Variants in SLC26A7 observed in about 807,000 individuals in gnomAD.
The protein encoded by SLC26A7 is anion exchange transporter.
In SLC26A7, 59 loss-of-function variants were observed where a neutral mutation model predicts 82.5. That is an observed-to-expected ratio of 0.72 (90% confidence interval 0.58 to 0.89). The LOEUF (loss-of-function observed/expected upper bound fraction) is 0.89. Ranked by LOEUF, SLC26A7 falls within the 40% of genes least tolerant of loss-of-function variation. The probability of loss-of-function intolerance (pLI) is 0.00; values close to 1 mark genes in which losing one functional copy is unlikely to be tolerated. For missense variants in SLC26A7, 820 were observed against 793.0 expected (o/e 1.03, Z -0.41); for synonymous variants, 271 against 274.3 (o/e 0.99, Z 0.12).
At chr8:91,319,040 A>G (rs746023779) in intron 5 of SLC26A7, among the ~76,000 whole-genome samples, 1 of 152,220 alleles carries the variant, frequency 6.6e-6, no homozygotes, top group African/African-American at 2.4e-5. Flanking sequence ...GCATTGCTGT[A>G]TACTAAATAA....
intron 4 of SLC26A7, among the ~76,000 whole-genome samples, chr8:91,298,214 ATAAG>A (rs1443707306): frequency 6.6e-6 from 1 of 151,706 alleles, no homozygotes; most frequent in Non-Finnish European, 1.5e-5. Context: ...CTTGTAACTG[ATAAG>A]TAAGTTTCCC....
chr8:91,377,816 CT>C (rs1814559438), intron 15 of SLC26A7, among the ~76,000 whole-genome samples: 1 of 152,154 alleles, frequency 6.6e-6, no homozygotes, highest in Non-Finnish European at 1.5e-5. Flanking sequence ...GACTTTGCTG[CT>C]TTTTAAGTGT....
intron 1 of SLC26A7, among the ~76,000 whole-genome samples, chr8:91,210,785 G>C: frequency 8.5e-6 from 1 of 117,492 alleles, no homozygotes; most frequent in Non-Finnish European, 1.9e-5. Context: ...AAACATAATG[G>C]TTAAAAGAGA....
chr8:91,279,047 A>G (rs1811482709), intron 2 of SLC26A7, among the ~76,000 whole-genome samples: 1 of 150,204 alleles, frequency 6.7e-6, no homozygotes, highest in Admixed American at 6.7e-5. Flanking sequence ...TGTCCTTCAA[A>G]TTCATCTACA....
chr8:91,385,182 A>G (rs146409568), intron 15 of SLC26A7, among the ~76,000 whole-genome samples: 2 of 152,234 alleles, frequency 1.3e-5, no homozygotes, highest in South Asian at 2.1e-4. Context: ...CACATTCCAC[A>G]TGGGTATAGA....
At chr8:91,385,214 G>C (rs543769086) in intron 15 of SLC26A7, among the ~76,000 whole-genome samples, 1 of 152,156 alleles carries the variant, frequency 6.6e-6, no homozygotes, top group Admixed American at 6.6e-5. Flanking sequence ...CTTTGCACAT[G>C]CTCCAAGCTT....
upstream of SLC26A7, among the ~76,000 whole-genome samples, chr8:91,247,241 T>C (rs1442673007): frequency 2.6e-5 from 4 of 152,238 alleles, no homozygotes; most frequent in African/African-American, 7.2e-5. Flanking sequence ...TTTTTATTTG[T>C]ATAGGTATTA....
intron 3 of SLC26A7, among the ~76,000 whole-genome samples, chr8:91,292,305 CAA>C (rs758275709): frequency 4.8e-4 from 35 of 72,962 alleles, no homozygotes; most frequent in Admixed American, 4.8e-4. Context: ...GACTCTGTCT[CAA>C]AAAAAAAAAA....
intron 3 of SLC26A7, among the ~76,000 whole-genome samples, chr8:91,289,667 A>G (rs1186115261): frequency 6.6e-6 from 1 of 151,990 alleles, no homozygotes; most frequent in Non-Finnish European, 1.5e-5. Flanking sequence ...AAAGGAAGGG[A>G]AATGTTCTGA....
intron 2 of SLC26A7, among the ~76,000 whole-genome samples, chr8:91,258,075 C>A (rs1810855706): frequency 6.6e-6 from 1 of 151,924 alleles, no homozygotes; most frequent in African/African-American, 2.4e-5. Flanking sequence ...CCCCATGATT[C>A]AATTACCTCC....
intron 2 of SLC26A7, among the ~76,000 whole-genome samples, chr8:91,283,443 T>C (rs1811627263): frequency 6.6e-6 from 1 of 152,180 alleles, no homozygotes; most frequent in South Asian, 2.1e-4. Context: ...TCATAAAAGA[T>C]GTCCTTTCAT....
At chr8:91,324,554 A>G (rs1485872144) in intron 5 of SLC26A7, among the ~76,000 whole-genome samples, 3 of 152,266 alleles carry the variant, frequency 2.0e-5, no homozygotes, top group African/African-American at 4.8e-5. Flanking sequence ...ATCCTTGATT[A>G]AAGAACCACT....
At chr8:91,388,648 C>A (rs992495974) in intron 15 of SLC26A7, among the ~76,000 whole-genome samples, 1 of 152,196 alleles carries the variant, frequency 6.6e-6, no homozygotes, top group Admixed American at 6.5e-5. Flanking sequence ...CCAAATGTGG[C>A]CTGTCACTGT....
intron 5 of SLC26A7, among the ~76,000 whole-genome samples, chr8:91,321,813 A>G (rs1812798306): frequency 6.6e-6 from 1 of 152,126 alleles, no homozygotes; most frequent in Admixed American, 6.5e-5. Context: ...TATTGGGAAA[A>G]AATTATTATT....
chr8:91,367,192 T>C (rs1389170706), intron 14 of SLC26A7, among the ~76,000 whole-genome samples: 1 of 152,132 alleles, frequency 6.6e-6, no homozygotes, highest in African/African-American at 2.4e-5. Flanking sequence ...GTATTTTTAG[T>C]GGAGACGGGG....
chr8:91,381,051 A>G (rs1049338248), intron 15 of SLC26A7, among the ~76,000 whole-genome samples: 1 of 152,200 alleles, frequency 6.6e-6, no homozygotes, highest in Non-Finnish European at 1.5e-5. Context: ...AACATATAGT[A>G]AGGTTCTAAT....
intron 4 of SLC26A7, among the ~76,000 whole-genome samples, chr8:91,317,548 C>T (rs1812671862): frequency 6.6e-6 from 1 of 152,114 alleles, no homozygotes; most frequent in African/African-American, 2.4e-5. Flanking sequence ...TGATTTTTCA[C>T]AAAATAAATT....
chr8:91,388,628 C>T (rs1814869064), intron 15 of SLC26A7, among the ~76,000 whole-genome samples: 2 of 152,132 alleles, frequency 1.3e-5, no homozygotes, highest in African/African-American at 4.8e-5. Flanking sequence ...CATCACTCCT[C>T]GGAGGGACCC....
chr8:91,330,929 G>T (rs555237948), intron 5 of SLC26A7, among the ~76,000 whole-genome samples: 5 of 152,210 alleles, frequency 3.3e-5, no homozygotes, highest in African/African-American at 1.2e-4. Context: ...ATTTCTTACA[G>T]TCCTGGAGAC....
Sources: allele counts gnomAD v4.1 joint callset (sites outside exome capture counted in the v4.1 genomes callset), GRCh38; gene constraint gnomAD v4.1.1; transcripts MANE v1.5; gene names NCBI Gene and HGNC (gene_info 2026-07-23, HGNC 2026-07-21).